RTN4: variants seen among roughly 807,000 people sequenced by gnomAD.
RTN4 encodes reticulon 4.
Under a neutral mutation model 90.4 loss-of-function variants are expected in RTN4, and 32 were observed. The observed-to-expected ratio is 0.35, with a 90% CI of 0.27 to 0.48. The LOEUF is 0.48. Among genes scored for constraint, RTN4 ranks in the 20% least tolerant of loss-of-function variants. RTN4 has a pLI of 0.99. For missense variants in RTN4, 1,706 were observed against 1,430.2 expected, an observed-to-expected ratio of 1.19 and a Z score of -3.11; for synonymous variants, 629 against 552.5, an observed-to-expected ratio of 1.14 and a Z score of -1.94.
At chr2:55,023,792 C>T (rs115207616) in intron 3 of RTN4, among the ~76,000 whole-genome samples, 156 of 152,266 alleles carry the variant, frequency 1.0e-3, no homozygotes, top group African/African-American at 3.5e-3. Flanking sequence ...CATGCCCATG[C>T]ACACCACACC....
chr2:55,115,419 A>G (rs1219467695), upstream of RTN4, among the ~76,000 whole-genome samples: 1 of 152,166 alleles, frequency 6.6e-6, no homozygotes, highest in Non-Finnish European at 1.5e-5. Flanking sequence ...TCATTCTCTT[A>G]TAAGAACTTC....
intron 5 of RTN4, among the ~76,000 whole-genome samples, chr2:54,980,810 G>C (rs1678059721): frequency 1.3e-5 from 2 of 152,136 alleles, no homozygotes; most frequent in African/African-American, 4.8e-5. Context: ...TCCATCTTAA[G>C]CGGCATCAGT....
intron 1 of RTN4, among the ~76,000 whole-genome samples, chr2:55,112,079 G>C (rs1231534188): frequency 6.6e-6 from 1 of 152,222 alleles, no homozygotes; most frequent in Admixed American, 6.5e-5. Flanking sequence ...ACTCCAGAAA[G>C]AGCGTGCCTT....
At chr2:54,988,194 G>C (rs780655440) in intron 3 of RTN4, among the ~76,000 whole-genome samples, 8 of 152,168 alleles carry the variant, frequency 5.3e-5, no homozygotes, top group Non-Finnish European at 1.2e-4. Flanking sequence ...GCGCATGCCT[G>C]TAATTCCAGC....
intron 3 of RTN4, among the ~76,000 whole-genome samples, chr2:54,994,292 A>C (rs1245041931): frequency 6.6e-6 from 1 of 152,238 alleles, no homozygotes; most frequent in Non-Finnish European, 1.5e-5. Context: ...AAAACTACAG[A>C]TAAATATCCC....
chr2:55,097,323 C>A (rs925388123), intron 1 of RTN4, among the ~76,000 whole-genome samples: 1 of 148,434 alleles, frequency 6.7e-6, no homozygotes, highest in Non-Finnish European at 1.5e-5. Flanking sequence ...AAAAAAATTC[C>A]TTGGCCTCAG....
chr2:54,987,746 T>C (rs907155533), intron 3 of RTN4, 48 bp from the exon 4 acceptor site: 6 of 1,482,474 alleles, frequency 4.0e-6, no homozygotes, highest in African/African-American at 1.4e-5. Flanking sequence ...TTTTATCAAT[T>C]TGGATTTGCT....
chr2:55,047,790 A>AT (rs1458468831), intron 1 of RTN4, among the ~76,000 whole-genome samples: 4 of 152,104 alleles, frequency 2.6e-5, no homozygotes, highest in African/African-American at 4.8e-5. Flanking sequence ...AACAAACGTG[A>AT]TTTTTTTCGC....
chr2:55,049,558 C>A lies in RTN4; in HGVS notation c.556+187G>T, dbSNP rs7583051. 15 of 945,572 alleles carry A rather than the reference C, an allele frequency of 1.6e-5. No individual in the cohort carries two copies. The Admixed American group carries it at 3.1e-4, about 20-fold the overall frequency. 58.6% of individuals were successfully genotyped at this position (945,572 alleles called of 1,614,324 possible). A position where few individuals can be genotyped will look rare whatever the true frequency, so the allele number is the denominator to read the frequency against. ...ACCAAGACGGACAATAAGAACAAAC[C>A]CGGGCTCCAAGGGCCGCCCCACCCT... On this transcript the variant is annotated intron_variant, in intron 1 of 8. Coordinates refer to ENST00000337526, the MANE Select transcript of RTN4 (RefSeq NM_020532.5).
At chr2:55,036,168 T>C (rs937761172) in intron 1 of RTN4, among the ~76,000 whole-genome samples, 1 of 152,176 alleles carries the variant, frequency 6.6e-6, no homozygotes, top group Non-Finnish European at 1.5e-5. Context: ...AATTAATTTA[T>C]ATAACAATAT....
At chr2:55,006,120 C>A (rs1325318027) in intron 3 of RTN4, among the ~76,000 whole-genome samples, 4 of 152,080 alleles carry the variant, frequency 2.6e-5, no homozygotes, top group Non-Finnish European at 5.9e-5. Context: ...TACCACAAAA[C>A]CCTCCCAACA....
chr2:55,018,634 G>T (rs139150235), intron 3 of RTN4, among the ~76,000 whole-genome samples: 1 of 151,926 alleles, frequency 6.6e-6, no homozygotes, highest in African/African-American at 2.4e-5. Context: ...AGGAACCAGG[G>T]TTCTCACTAT....
chr2:54,974,574 C>G (rs1307839148), intron 6 of RTN4, 121 bp downstream of exon 6: 18 of 850,600 alleles, frequency 2.1e-5, no homozygotes, highest in Non-Finnish European at 3.9e-6. Flanking sequence ...AGCTACCGCG[C>G]CCGGCCCACA....
At chr2:55,114,870 TC>T (rs1484213092), upstream of RTN4, among the ~76,000 whole-genome samples, 1 of 152,090 alleles carries the variant, frequency 6.6e-6, no homozygotes, top group African/African-American at 2.4e-5. Flanking sequence ...TCTCCCCTTG[TC>T]AGTCCCAGGT....
At chr2:55,115,042 C>G (rs1474079402), upstream of RTN4, among the ~76,000 whole-genome samples, 1 of 152,186 alleles carries the variant, frequency 6.6e-6, no homozygotes, top group Admixed American at 6.5e-5. Context: ...AAACTTCTCC[C>G]TTCAGACAAT....
chr2:55,095,665 A>G (rs979687197), intron 1 of RTN4, among the ~76,000 whole-genome samples: 26 of 152,100 alleles, frequency 1.7e-4, no homozygotes, highest in African/African-American at 6.0e-4. Flanking sequence ...GACTCCCCTA[A>G]ATAGCTGGGA....
At chr2:55,101,668 A>C (rs1285763935) in intron 1 of RTN4, among the ~76,000 whole-genome samples, 1 of 152,192 alleles carries the variant, frequency 6.6e-6, no homozygotes, top group Non-Finnish European at 1.5e-5. Flanking sequence ...TACCAGCTAC[A>C]CAGAGATGAA....
At chr2:55,031,193 T>C (rs546123563) in intron 1 of RTN4, among the ~76,000 whole-genome samples, 2 of 152,250 alleles carry the variant, frequency 1.3e-5, no homozygotes, top group South Asian at 2.1e-4. Flanking sequence ...CAACTAAAAA[T>C]ATGGGCAAAA....
chr2:55,113,754 C>A (rs1162904446), upstream of RTN4, among the ~76,000 whole-genome samples: 1 of 152,150 alleles, frequency 6.6e-6, no homozygotes, highest in Non-Finnish European at 1.5e-5. Flanking sequence ...GGAGAGGTGA[C>A]CCCCAGTCCA....
Sources: allele counts gnomAD v4.1 joint callset (sites outside exome capture counted in the v4.1 genomes callset), GRCh38; gene constraint gnomAD v4.1.1; transcripts MANE v1.5; gene names NCBI Gene and HGNC (gene_info 2026-07-23, HGNC 2026-07-21).